Variants in CALD1 observed in about 807,000 individuals in gnomAD.
CALD1 encodes the protein caldesmon.
Under a neutral mutation model 99.9 loss-of-function variants are expected in CALD1, and 33 were observed. The ratio of observed to expected loss-of-function variants is 0.33; its 90% CI spans 0.25 to 0.44. The LOEUF is 0.44. Among genes scored for constraint, CALD1 ranks in the 20% least tolerant of loss-of-function variants. CALD1 has a pLI of 1.00. For synonymous variants in CALD1, 310 were observed against 325.0 expected, an observed-to-expected ratio of 0.95 and a Z score of 0.50; for missense variants, 861 against 962.1, an observed-to-expected ratio of 0.89 and a Z score of 1.39.
chr7:134,826,051 A>T (rs1798977777), intron 1 of CALD1, among the ~76,000 whole-genome samples: 1 of 151,226 alleles, frequency 6.6e-6, no homozygotes, highest in Non-Finnish European at 1.5e-5. Flanking sequence ...TACTGTTTAT[A>T]TAAAAAAAAC....
At chr7:134,728,169 T>TA in the CALD1 span, among the ~76,000 whole-genome samples, 2 of 70 alleles carry the variant, frequency 0.029, no homozygotes, top group East Asian at 0.25. Context: ...GTTGAGCCTA[T>TA]TTGGCCTGAC....
At chr7:134,961,188 T>C (rs896013624) in intron 13 of CALD1, 1 of 152,258 alleles carries the variant, frequency 6.6e-6, no homozygotes, top group African/African-American at 2.4e-5. Flanking sequence ...AAACTGGTTA[T>C]GAATGATGTT....
At position 134,970,534 on chromosome 7, in the gene CALD1, T is replaced by A. The variant is rs1315883431; in HGVS notation, c.*2189T>A. On this transcript the variant is annotated 3_prime_UTR_variant, in exon 15 of 15. Coordinates refer to ENST00000361675, the MANE Select transcript of CALD1 (RefSeq NM_033138.4). The stretch of plus-strand genomic sequence containing the variant: ...CTAGCATGTTCTGTGAATCTGCCAT[T>A]CCTAAAAATTTTATAAACACTTGAT... 2.6e-5 allele frequency: 4 copies of A among 152,630 alleles called. No homozygotes were observed. Among genetic ancestry groups the A allele is most frequent in the African/African-American group, 7.2e-5 (3 of 41,444 alleles). 9.5% of individuals were successfully genotyped at this position (152,630 alleles called of 1,614,324 possible).
intron 3 of CALD1, among the ~76,000 whole-genome samples, chr7:134,869,411 G>C (rs550718617): frequency 6.6e-6 from 1 of 152,180 alleles, no homozygotes; most frequent in African/African-American, 2.4e-5. Flanking sequence ...ATCTACAGTG[G>C]ACTAGAATAT....
rs527272220 is a variant in CALD1 at position 134,881,833 on chromosome 7, A to T, written c.71+14029A>T. On this transcript the variant is annotated intron_variant, in intron 3 of 14. Transcript: ENST00000361675. Reference sequence around the variant, plus strand: ...TAGGACCTCAATTGCAGATTAGAAGAACCAAAGCCATTTTATTTTCCCTTT... The same window carrying T: ...TAGGACCTCAATTGCAGATTAGAAGTACCAAAGCCATTTTATTTTCCCTTT... 2.6e-5 allele frequency among the ~76,000 whole-genome samples: 4 copies of T among 152,288 alleles called. No homozygotes were observed. The South Asian group carries it at 8.3e-4, about 32-fold the overall frequency.
intron 3 of CALD1, among the ~76,000 whole-genome samples, chr7:134,881,193 G>T (rs1183192926): frequency 6.6e-6 from 1 of 152,192 alleles, no homozygotes; most frequent in East Asian, 1.9e-4. Flanking sequence ...CTGAAAGGGG[G>T]TTGGAAGCCC....
At chr7:134,728,313 T>G in the CALD1 span, among the ~76,000 whole-genome samples, 1 of 152,118 alleles carries the variant, frequency 6.6e-6, no homozygotes, top group Non-Finnish European at 1.5e-5. Context: ...GCTTAGAGAC[T>G]CCAGCACAGC....
At chr7:134,833,242 G>A (rs1799302748) in intron 1 of CALD1, among the ~76,000 whole-genome samples, 1 of 152,180 alleles carries the variant, frequency 6.6e-6, no homozygotes. Flanking sequence ...TTTGGCATAT[G>A]AATGGAAGCA....
At chr7:134,738,472 T>C in the CALD1 span, among the ~76,000 whole-genome samples, 1 of 152,230 alleles carries the variant, frequency 6.6e-6, no homozygotes, top group Non-Finnish European at 1.5e-5. Context: ...GGCTTAACAA[T>C]TGTTGACAGC....
At chr7:134,841,936 G>A (rs891018536) in intron 1 of CALD1, among the ~76,000 whole-genome samples, 4 of 152,064 alleles carry the variant, frequency 2.6e-5, no homozygotes, top group Non-Finnish European at 4.4e-5. Context: ...TACATGGGGG[G>A]GCTTCTTCCT....
chr7:134,777,967 G>A (rs3847119), upstream of CALD1, among the ~76,000 whole-genome samples: 968 of 152,332 alleles, frequency 6.4e-3, 11 homozygotes, highest in South Asian at 0.019. Flanking sequence ...AAACAGTGGT[G>A]TTCCACAAAT....
chr7:134,730,405 C>G, the CALD1 span, among the ~76,000 whole-genome samples: 3 of 152,178 alleles, frequency 2.0e-5, no homozygotes, highest in Admixed American at 6.5e-5. Context: ...AGGCTCCTGA[C>G]AAATCCATCA....
chr7:134,718,772 T>C, the CALD1 span, among the ~76,000 whole-genome samples: 2 of 152,182 alleles, frequency 1.3e-5, no homozygotes, highest in African/African-American at 4.8e-5. Flanking sequence ...TCATGTCTTA[T>C]ACTGGTTGCT....
chr7:134,713,799 A>C, the CALD1 span, among the ~76,000 whole-genome samples: 1 of 152,188 alleles, frequency 6.6e-6, no homozygotes, highest in African/African-American at 2.4e-5. Flanking sequence ...GAAGTTAAGA[A>C]AAGGAAATAG....
chr7:134,761,890 AGGT>A (rs1796781629), intron 1 of CALD1, among the ~76,000 whole-genome samples: 1 of 152,204 alleles, frequency 6.6e-6, no homozygotes, highest in Non-Finnish European at 1.5e-5. Flanking sequence ...ATTTGCAATC[AGGT>A]CTTTGCAGCT....
At position 134,862,607 on chromosome 7, in the gene CALD1, T is replaced by C. The variant is rs148380905; in HGVS notation, c.-41-5086T>C. 1.4e-3 allele frequency among the ~76,000 whole-genome samples: 215 copies of C among 152,292 alleles called. 2 individuals are homozygous for C. Among genetic ancestry groups the C allele is most frequent in the African/African-American group, 4.9e-3 (205 of 41,544 alleles). On this transcript the variant is annotated intron_variant, in intron 2 of 14. Transcript: ENST00000361675. Reference sequence around the variant, plus strand: ...TAAATGAGTGGAGCAGGTGGGGTTTTTAGGGCAGTGAAGCTATTCTGTATG... The same window carrying C: ...TAAATGAGTGGAGCAGGTGGGGTTTCTAGGGCAGTGAAGCTATTCTGTATG...
chr7:134,807,148 A>G (rs940519112), intron 1 of CALD1, among the ~76,000 whole-genome samples: 7 of 152,186 alleles, frequency 4.6e-5, no homozygotes, highest in Non-Finnish European at 8.8e-5. Flanking sequence ...CTATTTTTCC[A>G]TGCTCAACCT....
At chr7:134,725,134 C>T in the CALD1 span, among the ~76,000 whole-genome samples, 1 of 152,202 alleles carries the variant, frequency 6.6e-6, no homozygotes, top group African/African-American at 2.4e-5. Flanking sequence ...CTCTTTCACT[C>T]CTCAAACACC....
At chr7:134,924,677 C>T (rs1291540822) in intron 3 of CALD1, among the ~76,000 whole-genome samples, 1 of 152,016 alleles carries the variant, frequency 6.6e-6, no homozygotes, top group Non-Finnish European at 1.5e-5. Context: ...TAATATGTTT[C>T]TTTATTAGTA....
Sources: gnomAD v4.1 joint callset for allele counts (sites outside exome capture counted in the v4.1 genomes callset) on GRCh38, gnomAD v4.1.1 for gene constraint, MANE v1.5 for transcripts, NCBI Gene and HGNC (gene_info 2026-07-23, HGNC 2026-07-21) for gene names.